The following ASPH variants were observed in gnomAD, a reference collection of about 807,000 sequenced individuals.
ASPH encodes aspartyl/asparaginyl beta-hydroxylase.
A neutral mutation model predicts 118.4 loss-of-function variants in ASPH; 100 were observed. The observed-to-expected ratio is 0.84, with a 90% CI of 0.72 to 1.00. ASPH has a LOEUF of 1.00. Ranked by LOEUF, ASPH falls within the 50% of genes least tolerant of loss-of-function variation. ASPH has a pLI of 0.00. For synonymous variants in ASPH, 315 were observed against 325.6 expected (o/e 0.97, Z 0.35); for missense variants, 920 against 919.5 (o/e 1.00, Z -0.01).
rs1035249571 is a variant in ASPH at position 61,638,310 on chromosome 8, G to GA, written c.832+11dup. 6.3e-7 allele frequency: 1 copy of GA among 1,595,770 alleles called. No homozygotes were observed. Among genetic ancestry groups the GA allele is most frequent in the Non-Finnish European group, 8.5e-7 (1 of 1,174,582 alleles). On this transcript the variant is annotated intron_variant, in intron 11 of 24. Coordinates refer to ENST00000379454, the MANE Select transcript of ASPH (RefSeq NM_004318.4). ...GACTTGCAGAAAATATGTGCTTACA[G>GA]AAAAAACTTACCTGTGATTTCTATC... is the stretch of plus-strand genomic sequence containing the variant.
chr8:61,702,308 A>G (rs1278122190), intron 1 of ASPH, among the ~76,000 whole-genome samples: 6 of 133,944 alleles, frequency 4.5e-5, no homozygotes, highest in African/African-American at 1.7e-4. Context: ...TTTTTTTGAC[A>G]GAGTCTCGCT....
At chr8:61,670,750 T>C (rs891720306) in intron 3 of ASPH, among the ~76,000 whole-genome samples, 13 of 150,902 alleles carry the variant, frequency 8.6e-5, no homozygotes, top group Admixed American at 8.6e-4. Context: ...AACCAGAGGA[T>C]GCAGTGTCTG....
chr8:61,551,612 G>A (rs762382556), intron 20 of ASPH, among the ~76,000 whole-genome samples: 1 of 152,158 alleles, frequency 6.6e-6, no homozygotes, highest in Admixed American at 6.5e-5. Flanking sequence ...TTGAAGTAAC[G>A]GCTGTTTTCA....
intron 24 of ASPH, 77 bp downstream of exon 24, chr8:61,517,451 C>T (rs1337533745): frequency 3.2e-6 from 5 of 1,544,996 alleles, no homozygotes; most frequent in Non-Finnish European, 3.5e-6. Context: ...ATAAGTAATC[C>T]AAAGGAACAC....
intron 19 of ASPH, among the ~76,000 whole-genome samples, chr8:61,553,370 G>A (rs976859282): frequency 2.6e-5 from 4 of 152,178 alleles, no homozygotes; most frequent in African/African-American, 9.7e-5. Context: ...AAATTAGTAT[G>A]ATACTTTGTG....
At chr8:61,597,150 A>G (rs945122880) in intron 14 of ASPH, among the ~76,000 whole-genome samples, 3 of 151,712 alleles carry the variant, frequency 2.0e-5, no homozygotes, top group African/African-American at 7.3e-5. Context: ...AATAGAAGGA[A>G]AAATTTCAGA....
intron 14 of ASPH, among the ~76,000 whole-genome samples, chr8:61,615,272 C>T (rs73265194): frequency 0.061 from 9,313 of 152,190 alleles, 942 homozygotes; most frequent in African/African-American, 0.21. Flanking sequence ...TTCTCCCAGA[C>T]GCCGGTGCAA....
In ASPH at chr8:61,517,580, C is replaced by A. The variant is rs969718735; in HGVS notation, c.2074G>T (p.Gly692Cys). The A allele has an allele frequency of 6.2e-7, 1 of 1,614,000 alleles. No homozygotes were observed. Among genetic ancestry groups the A allele is most frequent in the African/African-American group, 1.3e-5 (1 of 74,924 alleles). Residue 692 changes from glycine (G) to cysteine (C), a missense_variant, in exon 24 of 25, where the codon GGC (glycine) becomes TGC (cysteine). By Grantham distance (159) the Gly-to-Cys change is radical (BLOSUM62 -3). Coordinates refer to ENST00000379454, the MANE Select transcript of ASPH (RefSeq NM_004318.4). Reference protein sequence around the residue: ...PTNCRLRMHLGLVIPKEGCKI... With the variant: ...PTNCRLRMHLCLVIPKEGCKI... ...CAGCCTTCCTTGGGAATCACCAAGC[C>A]CAGGTGCATTCGGAGCCTGCAGTTT... is the stretch of plus-strand genomic sequence containing the variant.
intron 14 of ASPH, among the ~76,000 whole-genome samples, chr8:61,585,928 T>C (rs1306186303): frequency 6.6e-6 from 1 of 152,184 alleles, no homozygotes; most frequent in African/African-American, 2.4e-5. Flanking sequence ...GAGGGTTAAA[T>C]CAGGATAGTA....
chr8:61,557,251 T>C (rs1358264906), intron 18 of ASPH, among the ~76,000 whole-genome samples: 4 of 151,984 alleles, frequency 2.6e-5, no homozygotes, highest in African/African-American at 9.7e-5. Flanking sequence ...TCAGAGTGAG[T>C]GCAAGATAGG....
chr8:61,710,219 C>G (rs1390033856), intron 1 of ASPH, among the ~76,000 whole-genome samples: 1 of 152,094 alleles, frequency 6.6e-6, no homozygotes, highest in African/African-American at 2.4e-5. Context: ...AGATTTTTAG[C>G]GATTCTTGGT....
intron 1 of ASPH, among the ~76,000 whole-genome samples, chr8:61,694,721 C>T (rs1226457864): frequency 2.0e-5 from 3 of 152,166 alleles, no homozygotes; most frequent in African/African-American, 4.8e-5. Context: ...TCCTATGCCA[C>T]CTCTCTAGTT....
chr8:61,605,642 A>G (rs532698578), intron 14 of ASPH, among the ~76,000 whole-genome samples: 15 of 152,212 alleles, frequency 9.9e-5, no homozygotes, highest in Non-Finnish European at 2.1e-4. Context: ...CACTGATAAA[A>G]TGATAATAAT....
At chr8:61,670,144 G>A (rs1204594826) in intron 3 of ASPH, among the ~76,000 whole-genome samples, 1 of 151,616 alleles carries the variant, frequency 6.6e-6, no homozygotes, top group African/African-American at 2.4e-5. Context: ...CTGAAGAAAA[G>A]TATATAGACA....
intron 14 of ASPH, among the ~76,000 whole-genome samples, chr8:61,590,550 CTGTGTGTGTGTGTGTGTGTGTG>C (rs5891814): frequency 1.4e-3 from 200 of 146,798 alleles, no homozygotes; most frequent in African/African-American, 4.9e-3. Flanking sequence ...TAATTTAACT[CTGTGTGTGTGTGTGTGTGTGTG>C]TGTGTGTGTG....
chr8:61,525,240 A>G (rs79253174), intron 22 of ASPH, among the ~76,000 whole-genome samples: 16,949 of 152,170 alleles, frequency 0.11, 969 homozygotes, highest in Non-Finnish European at 0.13. Flanking sequence ...ATTTACTTTT[A>G]TATAGTTATT....
chr8:61,579,185 G>A, intron 15 of ASPH: 1 of 1,612,706 alleles, frequency 6.2e-7, no homozygotes. Context: ...CTGAGATTGA[G>A]GGCCTCAAAG....
At chr8:61,560,475 TTTAACA>T (rs1257658797) in intron 18 of ASPH, among the ~76,000 whole-genome samples, 6 of 152,180 alleles carry the variant, frequency 3.9e-5, no homozygotes, top group African/African-American at 1.4e-4. Flanking sequence ...AAAAATGATC[TTTAACA>T]TAAACATATC....
intron 20 of ASPH, among the ~76,000 whole-genome samples, chr8:61,549,684 A>G (rs1302009921): frequency 6.6e-6 from 1 of 152,196 alleles, no homozygotes; most frequent in Non-Finnish European, 1.5e-5. Flanking sequence ...TTTTTGTCCA[A>G]CTAAAATTTA....
Sources: allele counts gnomAD v4.1 joint callset (sites outside exome capture counted in the v4.1 genomes callset), GRCh38; gene constraint gnomAD v4.1.1; transcripts MANE v1.5; gene names NCBI Gene and HGNC (gene_info 2026-07-23, HGNC 2026-07-21).